Variants in CHRNA4 observed in about 807,000 individuals in gnomAD.
CHRNA4 encodes cholinergic receptor nicotinic alpha 4 subunit.
In CHRNA4, 28 loss-of-function variants were observed where a neutral mutation model predicts 48.9. The observed-to-expected ratio is 0.57, with a 90% CI of 0.42 to 0.79. The LOEUF (loss-of-function observed/expected upper bound fraction) is 0.79, where lower values mean the gene tolerates loss of function less well. Ranked by LOEUF, CHRNA4 falls within the 30% of genes least tolerant of loss-of-function variation. The probability of loss-of-function intolerance (pLI) is 0.00; values close to 1 mark genes in which losing one functional copy is unlikely to be tolerated. For missense variants in CHRNA4, 859 were observed against 898.4 expected (o/e 0.96, Z 0.56); for synonymous variants, 425 against 402.3 (o/e 1.06, Z -0.68).
intron 4 of CHRNA4, among the ~76,000 whole-genome samples, chr20:63,353,499 AGG>A (rs1202964162): frequency 4.3e-4 from 5 of 11,594 alleles, no homozygotes; most frequent in Admixed American, 2.0e-3. Context: ...CTGTGGTCCT[AGG>A]GGGGGCTGCG....
intron 5 of CHRNA4, among the ~76,000 whole-genome samples, chr20:63,348,978 T>C (rs936523023): frequency 6.6e-6 from 1 of 152,152 alleles, no homozygotes; most frequent in Non-Finnish European, 1.5e-5. Context: ...GGGGCCTCTG[T>C]GCGGCCAGTG....
In CHRNA4 at chr20:63,361,349, C is replaced by T; in HGVS notation, c.-184G>A. The T allele has an allele frequency of 1.0e-6, 1 of 979,634 alleles. No homozygotes were observed. Among genetic ancestry groups the T allele is most frequent in the South Asian group, 4.4e-5 (1 of 22,688 alleles). The allele number at this position is 979,634 out of a possible 1,614,324, so 60.7% of individuals were successfully genotyped here. A position where few individuals can be genotyped will look rare whatever the true frequency, so the allele number is the denominator to read the frequency against. On this transcript the variant is annotated 5_prime_UTR_variant, in exon 1 of 6. Coordinates refer to ENST00000370263, the MANE Select transcript of CHRNA4 (RefSeq NM_000744.7). ...GCGGCAGGGAGCGCCGGGCTGTGGGCTCCGTGGCGCGGCCCCGCCCGGCCC... is the reference window on the plus strand; with the variant it reads ...GCGGCAGGGAGCGCCGGGCTGTGGGTTCCGTGGCGCGGCCCCGCCCGGCCC...
At chr20:63,354,701 A>G (rs1308182562) in intron 4 of CHRNA4, 4 of 982,898 alleles carry the variant, frequency 4.1e-6, no homozygotes, top group Non-Finnish European at 4.8e-6. Flanking sequence ...GGCTGTGCAC[A>G]GGCACCCAGA....
intron 5 of CHRNA4, among the ~76,000 whole-genome samples, chr20:63,349,046 C>T (rs1232181654): frequency 2.6e-5 from 4 of 152,006 alleles, no homozygotes; most frequent in African/African-American, 9.7e-5. Flanking sequence ...GGGCCTTAGC[C>T]GTGGGACCAG....
At chr20:63,351,125 A>AC (rs1398503555) in intron 4 of CHRNA4, 98 bp from the exon 5 acceptor site, 252 of 1,158,150 alleles carry the variant, frequency 2.2e-4, no homozygotes, top group South Asian at 2.7e-4. Context: ...CCACACCCAC[A>AC]CCCACATCCA....
chr20:63,349,795 G>A lies in CHRNA4; in HGVS notation c.1616C>T (p.Ser539Leu), dbSNP rs375524982. Residue 539 changes from serine (S) to leucine (L), a missense_variant, in exon 5 of 6, where the codon TCG becomes TTG. Ser to Leu is a moderately radical substitution (Grantham distance 145). Coordinates refer to ENST00000370263, the MANE Select transcript of CHRNA4 (RefSeq NM_000744.7). ...CKCTCKKEPS[S>L]VSPSATVKTR... ...CTTGACCGTGGCGCTCGGGGACACCGAAGAGGGCTCCTTCTTGCATGTGCA... is the reference window on the plus strand; with the variant it reads ...CTTGACCGTGGCGCTCGGGGACACCAAAGAGGGCTCCTTCTTGCATGTGCA... The A allele has an allele frequency of 2.1e-5, 34 of 1,607,182 alleles. No homozygotes were observed. The South Asian group carries it at 2.5e-4, about 12-fold the overall frequency.
Position 63,351,221 on chromosome 20 carries a change from C to CATCCACACCCAT in CHRNA4, c.384-195_384-194insATGGGTGTGGAT. 5.3e-6 allele frequency: 2 copies of CATCCACACCCAT among 380,876 alleles called. 1 individual carries two copies. The highest frequency in any genetic ancestry group is 8.8e-5 in the African/African-American group (2 of 22,658). The allele number at this position is 380,876 out of a possible 1,614,324, so 23.6% of individuals were successfully genotyped here. A position where few individuals can be genotyped will look rare whatever the true frequency, so the allele number is the denominator to read the frequency against. Reference sequence around the variant, plus strand: ...ACATCCACACCCACGTCCACGTCCACGCCCACATCCACACCCACGTCCACG... The same window carrying CATCCACACCCAT: ...ACATCCACACCCACGTCCACGTCCACATCCACACCCATGCCCACATCCACACCCACGTCCACG... On this transcript the variant is annotated intron_variant, in intron 4 of 5. Coordinates refer to ENST00000370263, the MANE Select transcript of CHRNA4 (RefSeq NM_000744.7).
chr20:63,345,848 C>T lies in CHRNA4; in HGVS notation c.*890G>A, dbSNP rs1185353428. The T allele has an allele frequency of 1.1e-5, 5 of 452,112 alleles. No individual in the cohort carries two copies. The highest frequency in any genetic ancestry group is 2.0e-5 in the African/African-American group (1 of 49,974). The allele number at this position is 452,112 out of a possible 1,614,324, so 28.0% of individuals were successfully genotyped here. On this transcript the variant is annotated 3_prime_UTR_variant, in exon 6 of 6. Coordinates refer to ENST00000370263, the MANE Select transcript of CHRNA4 (RefSeq NM_000744.7). This position sits in a 1 kb window ranked among gnomAD's most constrained non-coding sequence, Gnocchi z 5.4. ...GGAACCAGGGCCCAGGTCTGGACTCCATTCGGGACCTTCCCAGCTCCGGGG... is the reference window on the plus strand; with the variant it reads ...GGAACCAGGGCCCAGGTCTGGACTCTATTCGGGACCTTCCCAGCTCCGGGG...
rs2068816935 is a variant in CHRNA4, at chr20:63,361,281, GGCCCGGTTC to G, written c.-125_-117del. The G allele has an allele frequency of 3.7e-6, 5 of 1,369,714 alleles. No individual in the cohort carries two copies. Among genetic ancestry groups the G allele is most frequent in the Non-Finnish European group, 4.7e-6 (5 of 1,062,662 alleles). The allele number at this position is 1,369,714 out of a possible 1,614,324, so 84.8% of individuals were successfully genotyped here. A position where few individuals can be genotyped will look rare whatever the true frequency, so the allele number is the denominator to read the frequency against. On this transcript the variant is annotated 5_prime_UTR_variant, in exon 1 of 6. Coordinates refer to ENST00000370263, the MANE Select transcript of CHRNA4 (RefSeq NM_000744.7). ...GCCTCGCGGGCCGCTTCGGCCGCCG[GGCCCGGTTC>G]GTCTTCTCCTGTGGGGCGCGGTGCG...
At chr20:63,356,992 C>CGACCACATCGCCATG (rs6147409) in intron 2 of CHRNA4, among the ~76,000 whole-genome samples, 102,416 of 143,586 alleles carry the variant, frequency 0.71, 38,023 homozygotes, top group East Asian at 0.86. Context: ...ACGTCCCCAC[C>CGACCACATCGCCATG]GACCACATCT....
At position 63,344,453 on chromosome 20, in the gene CHRNA4, G is replaced by A; in HGVS notation, c.*2285C>T. ...TTGTTGTCAAGGTTAATTTGGCGTG[G>A]TGGGAATATGGTGCTTTATTTGGAT... On this transcript the variant is annotated 3_prime_UTR_variant, in exon 6 of 6. Coordinates refer to ENST00000370263, the MANE Select transcript of CHRNA4 (RefSeq NM_000744.7). The surrounding 1 kb of genome is among the most constrained non-coding windows in gnomAD (Gnocchi z 4.5). The A allele has an allele frequency of 4.4e-6, 2 of 453,622 alleles. No homozygotes were observed. The highest frequency in any genetic ancestry group is 8.8e-6 in the Non-Finnish European group (2 of 226,682). 28.1% of individuals were successfully genotyped at this position (453,622 alleles called of 1,614,324 possible). A position where few individuals can be genotyped will look rare whatever the true frequency, so the allele number is the denominator to read the frequency against.
chr20:63,349,040 C>T (rs1198230283), intron 5 of CHRNA4, among the ~76,000 whole-genome samples: 2 of 152,056 alleles, frequency 1.3e-5, no homozygotes, highest in Non-Finnish European at 1.5e-5. Context: ...CCCGGGGGGC[C>T]TTAGCCGTGG....
chr20:63,349,603 C>G lies in CHRNA4; in HGVS notation c.1758+50G>C, dbSNP rs368349375. 3.7e-6 allele frequency: 6 copies of G among 1,607,964 alleles called. No homozygotes were observed. In the East Asian group the frequency reaches 1.3e-4, roughly 36 times the overall value. ...CACACCAGGAAGAAAGGGCGTCCGC[C>G]GGTTCCGTCTGGGTCAGAGGCGCCC... On this transcript the variant is annotated intron_variant, in intron 5 of 5. Coordinates refer to ENST00000370263, the MANE Select transcript of CHRNA4 (RefSeq NM_000744.7).
rs200747265 is a variant in CHRNA4 at position 63,345,467 on chromosome 20, G to A, written c.*1271C>T. On this transcript the variant is annotated 3_prime_UTR_variant, in exon 6 of 6. Transcript: ENST00000370263. The surrounding 1 kb of genome is among the most constrained non-coding windows in gnomAD (Gnocchi z 5.4). ...CCCCTGGGGACACTGGGGGGCTGCC[G>A]GGTGCGCCATCTTTAGGGGGTGCAC... The A allele has an allele frequency of 1.4e-4, 54 of 383,138 alleles. No homozygotes were observed. The highest frequency in any genetic ancestry group is 9.5e-4 in the African/African-American group (46 of 48,326). The allele number at this position is 383,138 out of a possible 1,614,324, so 23.7% of individuals were successfully genotyped here. A position where few individuals can be genotyped will look rare whatever the true frequency, so the allele number is the denominator to read the frequency against.
chr20:63,347,647 C>A (rs1343499042), intron 5 of CHRNA4, among the ~76,000 whole-genome samples: 2 of 152,230 alleles, frequency 1.3e-5, no homozygotes, highest in Non-Finnish European at 2.9e-5. Context: ...GCACTCATGC[C>A]GCTGGCCACT....
rs1568807782 is a variant in CHRNA4 at position 63,349,742 on chromosome 20, G to A, written c.1669C>T (p.His557Tyr). ...GTCAGGGCCGGCGACAGGGGCAGGT[G>A]CGGGGGCGGCGCTTTGGTGCTGCGG... ...KTRSTKAPPPHLPLSPALTRA... is the reference protein window; with the variant it reads ...KTRSTKAPPPYLPLSPALTRA... Residue 557 changes from histidine (H) to tyrosine (Y), a missense_variant, in exon 5 of 6, where the codon CAC becomes TAC. His to Tyr is a moderately conservative substitution (Grantham distance 83). This residue lies in a region of CHRNA4 where 478 missense variants were observed against 455.4 expected (regional missense o/e 1.05). Coordinates refer to ENST00000370263, the MANE Select transcript of CHRNA4 (RefSeq NM_000744.7). 6.2e-7 allele frequency: 1 copy of A among 1,612,414 alleles called. No homozygotes were observed. Among genetic ancestry groups the A allele is most frequent in the South Asian group, 1.1e-5 (1 of 91,040 alleles).
chr20:63,343,370 C>G lies in CHRNA4; in HGVS notation c.*3368G>C, dbSNP rs1376895118. The G allele has an allele frequency of 2.2e-6, 1 of 453,896 alleles. No homozygotes were observed. Among genetic ancestry groups the G allele is most frequent in the East Asian group, 6.9e-5 (1 of 14,406 alleles). The allele number at this position is 453,896 out of a possible 1,614,324, so 28.1% of individuals were successfully genotyped here. On this transcript the variant is annotated 3_prime_UTR_variant, in exon 6 of 6. Transcript: ENST00000370263. ...GCGGGGCTTGGTCCATGGGGCTGGC[C>G]GGGCTTGCATCCCCAGGTGCTGTGT... is the stretch of plus-strand genomic sequence containing the variant.
Position 63,358,963 on chromosome 20 carries a change from A to G in CHRNA4, c.228+585T>C, listed in dbSNP as rs973949672. Among the ~76,000 whole-genome samples the G allele has an allele frequency of 9.2e-5, 14 of 152,226 alleles. No homozygotes were observed. In the South Asian group the frequency reaches 2.5e-3, roughly 27 times the overall value. ...GGTTCCTATCCTGCCTTGGGGCTCC[A>G]TGTGCACTGGCCCACGCTGCAGGGG... On this transcript the variant is annotated intron_variant, in intron 2 of 5. Coordinates refer to ENST00000370263, the MANE Select transcript of CHRNA4 (RefSeq NM_000744.7).
intron 2 of CHRNA4, among the ~76,000 whole-genome samples, chr20:63,358,770 G>T (rs1568818798): frequency 6.6e-6 from 1 of 152,340 alleles, no homozygotes; most frequent in South Asian, 2.1e-4. Context: ...GAGTGGCTGA[G>T]CCTGGCTGGG....
Sources: allele counts gnomAD v4.1 joint callset (sites outside exome capture counted in the v4.1 genomes callset), GRCh38; gene constraint gnomAD v4.1.1; regional missense constraint gnomAD v4.1.1; non-coding constraint Gnocchi (gnomAD v3.1); transcripts MANE v1.5; gene names NCBI Gene and HGNC (gene_info 2026-07-23, HGNC 2026-07-21).